NTM: variants seen among roughly 807,000 people sequenced by gnomAD.
NTM encodes neurotrimin, also known as IgLON family member 2.
In NTM, 13 loss-of-function variants were observed where a neutral mutation model predicts 42.1. The ratio of observed to expected loss-of-function variants is 0.31; its 90% CI spans 0.20 to 0.49. The LOEUF (loss-of-function observed/expected upper bound fraction) is 0.49. Among genes scored for constraint, NTM ranks in the 20% least tolerant of loss-of-function variants. NTM has a pLI of 0.99. For synonymous variants in NTM, 187 were observed against 179.2 expected (o/e 1.04, Z -0.35); for missense variants, 373 against 452.8 (o/e 0.82, Z 1.60).
chr11:131,527,128 A>G (rs2050605906), intron 1 of NTM, among the ~76,000 whole-genome samples: 1 of 152,140 alleles, frequency 6.6e-6, no homozygotes. Flanking sequence ...TGTCTGATGT[A>G]CCTATGTGTA....
At chr11:131,486,720 C>G (rs1954212420) in intron 1 of NTM, among the ~76,000 whole-genome samples, 2 of 152,222 alleles carry the variant, frequency 1.3e-5, no homozygotes, top group South Asian at 4.1e-4. Flanking sequence ...GGCAGCCTGT[C>G]ACCTTCTTCC....
At chr11:131,852,431 TATTTC>T (rs913343320) in intron 1 of NTM, among the ~76,000 whole-genome samples, 12 of 152,336 alleles carry the variant, frequency 7.9e-5, no homozygotes, top group African/African-American at 2.9e-4. Flanking sequence ...TTAATTATTT[TATTTC>T]TTCACTGCAT....
chr11:132,275,260 T>C (rs1054201676), intron 4 of NTM, among the ~76,000 whole-genome samples: 1 of 152,112 alleles, frequency 6.6e-6, no homozygotes, highest in Non-Finnish European at 1.5e-5. Context: ...CTGATTCAGA[T>C]ATCCAGTCAT....
At chr11:131,371,752 A>G (rs146998012) in intron 1 of NTM, among the ~76,000 whole-genome samples, 1,469 of 142,302 alleles carry the variant, frequency 0.01, 28 homozygotes, top group African/African-American at 0.035. Flanking sequence ...TTCCAGCAAC[A>G]GAATTATCCA....
chr11:132,004,805 G>C (rs997947735), intron 2 of NTM, among the ~76,000 whole-genome samples: 2 of 151,404 alleles, frequency 1.3e-5, no homozygotes, highest in African/African-American at 4.9e-5. Flanking sequence ...TGGACAGTAA[G>C]ATTAAAAGAA....
chr11:131,432,871 T>TTTTTTTTTTTTTTTTTTTTTTTTTTTA, intron 1 of NTM, among the ~76,000 whole-genome samples: 1 of 78,166 alleles, frequency 1.3e-5, no homozygotes, highest in Non-Finnish European at 2.5e-5. Flanking sequence ...TTTTTTTTTT[T>TTTTTTTTTTTTTTTTTTTTTTTTTTTA]GAGACGGAGT....
intron 4 of NTM, among the ~76,000 whole-genome samples, chr11:132,225,020 A>C (rs1274645783): frequency 1.3e-5 from 2 of 152,242 alleles, no homozygotes; most frequent in Non-Finnish European, 2.9e-5. Context: ...CTTTTCTACA[A>C]AAATGATCAT....
chr11:132,027,553 A>C (rs1247166913), intron 2 of NTM, among the ~76,000 whole-genome samples: 1 of 152,138 alleles, frequency 6.6e-6, no homozygotes, highest in African/African-American at 2.4e-5. Flanking sequence ...TAATACTTTA[A>C]ATATTTCACT....
intron 1 of NTM, among the ~76,000 whole-genome samples, chr11:131,737,478 T>G (rs2080620502): frequency 6.6e-6 from 1 of 152,234 alleles, no homozygotes. Flanking sequence ...ACTGTATGTC[T>G]ATTTTTATCT....
Position 131,414,628 on chromosome 11 carries a change from C to T in NTM, c.82+43740C>T, listed in dbSNP as rs571732107. ...TGCATATACCATGGTCTCCCATGCT[C>T]TGCCCTGGCTGTTTTCCCAGCATCC... is the stretch of plus-strand genomic sequence containing the variant. On this transcript the variant is annotated intron_variant, in intron 1 of 8. Coordinates refer to ENST00000683400, the MANE Select transcript of NTM (RefSeq NM_001352005.2). 2.6e-5 allele frequency among the ~76,000 whole-genome samples: 4 copies of T among 152,330 alleles called. No individual in the cohort carries two copies. In the South Asian group the frequency reaches 8.3e-4, roughly 32 times the overall value.
intron 2 of NTM, among the ~76,000 whole-genome samples, chr11:132,102,128 T>A (rs2061697542): frequency 6.6e-6 from 1 of 152,234 alleles, no homozygotes; most frequent in Admixed American, 6.5e-5. Flanking sequence ...CCACTCTTTC[T>A]CATTCTTCAG....
intron 1 of NTM, among the ~76,000 whole-genome samples, chr11:131,658,554 G>T (rs376157615): frequency 6.6e-6 from 1 of 152,150 alleles, no homozygotes; most frequent in Non-Finnish European, 1.5e-5. Flanking sequence ...AGACGAGGAC[G>T]GCATGCCTTG....
intron 1 of NTM, among the ~76,000 whole-genome samples, chr11:131,492,326 T>C (rs572759787): frequency 1.3e-5 from 2 of 152,320 alleles, no homozygotes; most frequent in South Asian, 2.1e-4. Context: ...TCAGTGGTGG[T>C]ATTAGAGCTG....
intron 2 of NTM, among the ~76,000 whole-genome samples, chr11:131,977,909 C>A (rs2134836666): frequency 6.6e-6 from 1 of 152,270 alleles, no homozygotes; most frequent in East Asian, 1.9e-4. Context: ...TGGAGAAAAT[C>A]AATTATGAGC....
rs537705609 is a variant in NTM, at chr11:131,691,562, C to CT, written c.83-220002_83-220001insT. ...ATCCCCTTGTCTTCCCTGAAAGCCC[C>CT]CCCCCGACTTCCCTTCCATGTCCTT... is the stretch of plus-strand genomic sequence containing the variant. On this transcript the variant is annotated intron_variant, in intron 1 of 8. Coordinates refer to ENST00000683400, the MANE Select transcript of NTM (RefSeq NM_001352005.2). 1.1e-3 allele frequency among the ~76,000 whole-genome samples: 168 copies of CT among 152,116 alleles called. 1 individual carries two copies. Among genetic ancestry groups the CT allele is most frequent in the African/African-American group, 3.9e-3 (161 of 41,424 alleles).
At chr11:131,463,512 A>C (rs943961375) in intron 1 of NTM, among the ~76,000 whole-genome samples, 3 of 152,228 alleles carry the variant, frequency 2.0e-5, no homozygotes, top group Admixed American at 2.0e-4. Context: ...CATATCAGCC[A>C]GGCACATGGT....
intron 1 of NTM, among the ~76,000 whole-genome samples, chr11:131,901,773 C>T (rs1334714749): frequency 6.6e-6 from 1 of 152,148 alleles, no homozygotes; most frequent in Non-Finnish European, 1.5e-5. Context: ...GTGGTTTATT[C>T]ACATGCACGT....
intron 1 of NTM, chr11:131,774,198 T>C: frequency 2.5e-6 from 2 of 799,484 alleles, no homozygotes; most frequent in Non-Finnish European, 3.0e-6. Context: ...ATAGCCTTTA[T>C]GAGGCTTCTT....
At chr11:132,294,894 C>T (rs1450522297) in intron 4 of NTM, among the ~76,000 whole-genome samples, 1 of 152,128 alleles carries the variant, frequency 6.6e-6, no homozygotes, top group Non-Finnish European at 1.5e-5. Context: ...CTCTCTGAGA[C>T]CATTTTTATT....
Sources: allele counts gnomAD v4.1 joint callset (sites outside exome capture counted in the v4.1 genomes callset), GRCh38; gene constraint gnomAD v4.1.1; transcripts MANE v1.5; gene names NCBI Gene and HGNC (gene_info 2026-07-23, HGNC 2026-07-21).